PRKG1: variants seen among roughly 807,000 people sequenced by gnomAD.
The protein encoded by PRKG1 is cGMP-dependent protein kinase 1.
In PRKG1, 35 loss-of-function variants were observed where a neutral mutation model predicts 88.1. The observed-to-expected ratio is 0.40, with a 90% confidence interval of 0.30 to 0.53. The LOEUF (loss-of-function observed/expected upper bound fraction) is 0.53. Among genes scored for constraint, PRKG1 ranks in the 20% least tolerant of loss-of-function variants. PRKG1 has a pLI of 0.59. For synonymous variants in PRKG1, 303 were observed against 292.5 expected, an observed-to-expected ratio of 1.04 and a Z score of -0.37; for missense variants, 540 against 839.8, an observed-to-expected ratio of 0.64 and a Z score of 4.41.
intron 2 of PRKG1, among the ~76,000 whole-genome samples, chr10:51,341,486 G>T (rs541757305): frequency 5.3e-5 from 8 of 152,228 alleles, no homozygotes; most frequent in Non-Finnish European, 8.8e-5. Flanking sequence ...GATACTTTAA[G>T]GATCCCTAAC....
chr10:51,450,333 T>G (rs1839397800), intron 2 of PRKG1, among the ~76,000 whole-genome samples: 2 of 151,988 alleles, frequency 1.3e-5, no homozygotes, highest in Admixed American at 6.6e-5. Context: ...TTCTAAGCAG[T>G]GTATATAATG....
intron 2 of PRKG1, among the ~76,000 whole-genome samples, chr10:51,352,743 A>C (rs949101855): frequency 6.6e-6 from 1 of 152,192 alleles, no homozygotes; most frequent in Non-Finnish European, 1.5e-5. Context: ...GCCGTCCTTC[A>C]TAGAAATAGA....
At chr10:51,845,436 C>T (rs1248718529) in intron 4 of PRKG1, among the ~76,000 whole-genome samples, 1 of 152,174 alleles carries the variant, frequency 6.6e-6, no homozygotes, top group Non-Finnish European at 1.5e-5. Flanking sequence ...CCACCAACAA[C>T]TGTCAATTTG....
At chr10:51,515,750 G>T (rs567661388) in intron 3 of PRKG1, among the ~76,000 whole-genome samples, 4 of 152,126 alleles carry the variant, frequency 2.6e-5, no homozygotes, top group African/African-American at 9.6e-5. Flanking sequence ...TGTGAAACTC[G>T]CAACAGGGGT....
chr10:52,190,419 C>T (rs1589687800), intron 9 of PRKG1, among the ~76,000 whole-genome samples: 1 of 152,074 alleles, frequency 6.6e-6, no homozygotes, highest in East Asian at 1.9e-4. Flanking sequence ...AAAACATAGT[C>T]CCATTTTACT....
At chr10:51,274,008 A>G (rs539808235) in intron 2 of PRKG1, among the ~76,000 whole-genome samples, 1 of 152,346 alleles carries the variant, frequency 6.6e-6, no homozygotes, top group East Asian at 1.9e-4. Context: ...ATTTGCATCT[A>G]TTAATAATGC....
intron 9 of PRKG1, among the ~76,000 whole-genome samples, chr10:52,164,947 T>C (rs1438029969): frequency 3.9e-5 from 6 of 152,198 alleles, no homozygotes; most frequent in Non-Finnish European, 8.8e-5. Flanking sequence ...ATTTCAACTG[T>C]ACAGTTTTGT....
intron 2 of PRKG1, among the ~76,000 whole-genome samples, chr10:51,449,746 A>AT (rs767305236): frequency 2.7e-5 from 4 of 150,156 alleles, no homozygotes; most frequent in Non-Finnish European, 5.9e-5. Flanking sequence ...TTTAACTTCT[A>AT]TTTCATAATT....
intron 2 of PRKG1, among the ~76,000 whole-genome samples, chr10:51,420,613 G>T (rs1838382774): frequency 6.6e-6 from 1 of 152,134 alleles, no homozygotes; most frequent in African/African-American, 2.4e-5. Context: ...CATTGATTTG[G>T]CTGACAAAGG....
intron 2 of PRKG1, among the ~76,000 whole-genome samples, chr10:51,412,215 A>AGAGAGAGAGAGAGAG (rs1564483266): frequency 3.6e-4 from 43 of 120,172 alleles, no homozygotes; most frequent in African/African-American, 1.6e-3. Context: ...GAGAGAGAGA[A>AGAGAGAGAGAGAGAG]AGAAAGAGAG....
chr10:51,604,043 G>GAGAGTCATC (rs1838688240), intron 3 of PRKG1, among the ~76,000 whole-genome samples: 1 of 149,626 alleles, frequency 6.7e-6, no homozygotes, highest in Admixed American at 6.7e-5. Context: ...TCTGTGAAAT[G>GAGAGTCATC]AGAGTCATCA....
chr10:51,732,410 C>G (rs1489148385), intron 3 of PRKG1, among the ~76,000 whole-genome samples: 1 of 152,024 alleles, frequency 6.6e-6, no homozygotes, highest in African/African-American at 2.4e-5. Context: ...AGTAAATAAA[C>G]ATATATTAAG....
chr10:51,998,702 A>G (rs140428355), intron 5 of PRKG1, among the ~76,000 whole-genome samples: 1,593 of 152,288 alleles, frequency 0.01, 82 homozygotes, highest in Admixed American at 0.081. Context: ...ACATTACCCT[A>G]TAATTTTTGT....
At chr10:51,519,084 A>T (rs2132074196) in intron 3 of PRKG1, among the ~76,000 whole-genome samples, 1 of 152,346 alleles carries the variant, frequency 6.6e-6, no homozygotes, top group East Asian at 1.9e-4. Flanking sequence ...ACAATATTTT[A>T]TGGAAGAAGT....
chr10:52,267,555 T>TA (rs778766970), intron 10 of PRKG1, among the ~76,000 whole-genome samples: 2 of 152,002 alleles, frequency 1.3e-5, no homozygotes, highest in Non-Finnish European at 2.9e-5. Flanking sequence ...CAACTAAAAA[T>TA]CTCCCTAAGG....
chr10:51,061,496 C>A (rs1374926282), intron 1 of PRKG1, among the ~76,000 whole-genome samples: 1 of 152,152 alleles, frequency 6.6e-6, no homozygotes, highest in Non-Finnish European at 1.5e-5. Context: ...CTCTTGAAAT[C>A]TGTGGCATGA....
chr10:51,142,732 A>G (rs1470066461), intron 1 of PRKG1, among the ~76,000 whole-genome samples: 1 of 152,098 alleles, frequency 6.6e-6, no homozygotes, highest in African/African-American at 2.4e-5. Flanking sequence ...GGTTCTACCT[A>G]CTGCATAGGT....
chr10:51,074,582 C>T lies in PRKG1; in HGVS notation c.-9C>T. ...CGGCAGGAAGGAGCCCCCGGCAGCC[C>T]GGAGGAGCATGGGCACCTTGCGGGA... On this transcript the variant is annotated 5_prime_UTR_variant, in exon 1 of 18. Coordinates refer to ENST00000373980, the MANE Select transcript of PRKG1 (RefSeq NM_006258.4). 6.2e-7 allele frequency: 1 copy of T among 1,603,478 alleles called. No homozygotes were observed. Among genetic ancestry groups the T allele is most frequent in the Non-Finnish European group, 8.5e-7 (1 of 1,172,332 alleles).
At position 52,286,709 on chromosome 10, in the gene PRKG1, G is replaced by T. The variant is rs138216567; in HGVS notation, c.1710-2017G>T. On this transcript the variant is annotated intron_variant, in intron 14 of 17. Transcript: ENST00000373980. ...ATAGTTAAAACATGTCATTACAGAAGAGAAATCTCTAAATTCAGTTTGATT... is the reference window on the plus strand; with the variant it reads ...ATAGTTAAAACATGTCATTACAGAATAGAAATCTCTAAATTCAGTTTGATT... Among the ~76,000 whole-genome samples, 274 of 151,748 alleles carry T rather than the reference G, an allele frequency of 1.8e-3. 1 individual carries two copies. Among genetic ancestry groups the T allele is most frequent in the East Asian group, 0.018 (93 of 5,176 alleles).
Sources: allele counts gnomAD v4.1 joint callset (sites outside exome capture counted in the v4.1 genomes callset), GRCh38; gene constraint gnomAD v4.1.1; transcripts MANE v1.5; gene names NCBI Gene and HGNC (gene_info 2026-07-23, HGNC 2026-07-21).